BORCS8: variants seen among roughly 807,000 people sequenced by gnomAD.
BORCS8 encodes BLOC-1 related complex subunit 8, also known as BLOC-1-related complex subunit 8.
In BORCS8, 13 loss-of-function variants were observed where a neutral mutation model predicts 18.7. That is an observed-to-expected ratio of 0.70 (90% CI 0.45 to 1.11). The LOEUF is 1.11. Ranked by LOEUF, BORCS8 falls within the 50% of genes least tolerant of loss-of-function variation. The pLI, the probability that BORCS8 is intolerant of heterozygous loss-of-function variation, is 0.00. For synonymous variants in BORCS8, 68 were observed against 64.8 expected (o/e 1.05, Z -0.24); for missense variants, 165 against 165.7 (o/e 1.00, Z 0.02).
At chr19:19,185,464 T>G (rs1181018587) in intron 3 of BORCS8, among the ~76,000 whole-genome samples, 1 of 152,104 alleles carries the variant, frequency 6.6e-6, no homozygotes, top group Non-Finnish European at 1.5e-5. Flanking sequence ...GGTGGGTAGA[T>G]CACCTGAGGT....
Position 19,182,747 on chromosome 19 carries a change from C to A in BORCS8, c.216-64G>T. On this transcript the variant is annotated intron_variant, in intron 3 of 5. Coordinates refer to ENST00000462790, the MANE Select transcript of BORCS8 (RefSeq NM_001145784.2). This position sits in a 1 kb window ranked among gnomAD's most constrained non-coding sequence, Gnocchi z 4.1. ...TGCAGGTAACTGTCCCACACCCCAGCACTTGAGGTCACCACCAGGGCTCGG... is the reference window on the plus strand; with the variant it reads ...TGCAGGTAACTGTCCCACACCCCAGAACTTGAGGTCACCACCAGGGCTCGG... 1 of 1,483,654 alleles carries A rather than the reference C, an allele frequency of 6.7e-7. No homozygotes were observed. The highest frequency in any genetic ancestry group is 9.0e-7 in the Non-Finnish European group (1 of 1,111,618). The allele number at this position is 1,483,654 out of a possible 1,614,324, so 91.9% of individuals were successfully genotyped here.
In BORCS8 at chr19:19,186,872, T is replaced by G. The variant is rs549953875; in HGVS notation, c.150+21A>C. 1.5e-4 allele frequency: 224 copies of G among 1,498,020 alleles called. 2 individuals carry two copies. The African/African-American group carries it at 2.9e-3, about 19-fold the overall frequency. 92.8% of individuals were successfully genotyped at this position (1,498,020 alleles called of 1,614,324 possible). On this transcript the variant is annotated intron_variant, in intron 2 of 5. Transcript: ENST00000462790. ...CTCCTGCCCTGACAGCCCCTGCTCC[T>G]CCCAGCAGGCCCCAGCTCACCTTGT...
chr19:19,190,865 G>T (rs990191349), intron 1 of BORCS8, among the ~76,000 whole-genome samples: 2 of 152,004 alleles, frequency 1.3e-5, no homozygotes, highest in Admixed American at 6.6e-5. Context: ...CATGCCCTCC[G>T]TTATCCATGG....
intron 4 of BORCS8, among the ~76,000 whole-genome samples, chr19:19,181,389 C>A (rs2060348246): frequency 1.3e-5 from 2 of 152,118 alleles, no homozygotes; most frequent in Admixed American, 1.3e-4. Flanking sequence ...ACTCCAGAGG[C>A]CACGTCTGCA....
chr19:19,181,995 C>T, intron 4 of BORCS8: 12 of 985,436 alleles, frequency 1.2e-5, no homozygotes, highest in Non-Finnish European at 1.4e-5. Context: ...TTTTCAGACC[C>T]CTGGTCCTGG....
chr19:19,191,741 G>A (rs1396970338), intron 1 of BORCS8, among the ~76,000 whole-genome samples: 1 of 151,924 alleles, frequency 6.6e-6, no homozygotes, highest in East Asian at 1.9e-4. Flanking sequence ...CACCACGCCC[G>A]GCTAATTTTT....
intron 1 of BORCS8, among the ~76,000 whole-genome samples, chr19:19,188,418 A>G (rs192740082): frequency 2.0e-5 from 3 of 151,640 alleles, no homozygotes; most frequent in South Asian, 4.2e-4. Flanking sequence ...TCAGCCTCCC[A>G]AAGTGCTGGG....
intron 1 of BORCS8, 42 bp downstream of exon 1, chr19:19,192,039 A>G: frequency 6.5e-7 from 1 of 1,549,808 alleles, no homozygotes; most frequent in African/African-American, 1.4e-5. Flanking sequence ...GCCCCTCCAC[A>G]AGTTACCGGC....
intron 3 of BORCS8, among the ~76,000 whole-genome samples, chr19:19,185,721 T>C (rs943389300): frequency 1.3e-5 from 2 of 152,220 alleles, no homozygotes; most frequent in African/African-American, 4.8e-5. Flanking sequence ...ATATCTGTGC[T>C]TTGGGCTTCC....
At chr19:19,187,706 T>C (rs2060424463) in intron 1 of BORCS8, among the ~76,000 whole-genome samples, 2 of 149,244 alleles carry the variant, frequency 1.3e-5, no homozygotes, top group African/African-American at 4.9e-5. Context: ...GCCCAGCTAA[T>C]TTTTGTATTT....
chr19:19,185,328 T>A (rs748942835), intron 3 of BORCS8, among the ~76,000 whole-genome samples: 2 of 152,162 alleles, frequency 1.3e-5, no homozygotes, highest in Non-Finnish European at 2.9e-5. Context: ...GCAACCGGAA[T>A]AAGGCTTGGG....
intron 3 of BORCS8, among the ~76,000 whole-genome samples, chr19:19,183,415 A>C (rs573449148): frequency 1.3e-5 from 2 of 151,222 alleles, no homozygotes; most frequent in South Asian, 4.2e-4. Context: ...GTCTCAAAAA[A>C]AAAAAAAAAA....
Position 19,186,926 on chromosome 19 carries a change from C to T in BORCS8, c.117G>A (p.Val39=). The T allele has an allele frequency of 2.6e-6, 4 of 1,551,114 alleles. No individual in the cohort carries two copies. Among genetic ancestry groups the T allele is most frequent in the South Asian group, 1.2e-5 (1 of 84,044 alleles). Residue 39 remains valine (V), a synonymous_variant, in exon 2 of 6, where the codon GTG becomes GTA. Transcript: ENST00000462790. ...GGGCCAGCTCGGGGAGGGAGCGACGCACATGCTCCTGCAGCCGGTACAGGG... is the reference window on the plus strand; with the variant it reads ...GGGCCAGCTCGGGGAGGGAGCGACGTACATGCTCCTGCAGCCGGTACAGGG... ...SVALYRLQEH[V]RRSLPELAQH...
intron 2 of BORCS8, 87 bp from the exon 3 acceptor site, chr19:19,186,185 T>TG (rs1323005095): frequency 1.6e-6 from 2 of 1,245,812 alleles, no homozygotes; most frequent in African/African-American, 3.0e-5. Context: ...GGGGCTCTCC[T>TG]GAGTCCTCAT....
chr19:19,177,672 GGA>G (rs1489665914), intron 5 of BORCS8: 5 of 85,092 alleles, frequency 5.9e-5, no homozygotes, highest in African/African-American at 2.8e-4. Context: ...AAGGAAGGAA[GGA>G]AGGAAGGAAG....
At chr19:19,183,477 G>A (rs1357924100) in intron 3 of BORCS8, among the ~76,000 whole-genome samples, 1 of 152,100 alleles carries the variant, frequency 6.6e-6, no homozygotes, top group African/African-American at 2.4e-5. Flanking sequence ...TAGCCCAGTG[G>A]TATCTGGGGC....
intron 3 of BORCS8, among the ~76,000 whole-genome samples, chr19:19,184,422 C>T (rs1599756083): frequency 6.6e-6 from 1 of 150,756 alleles, no homozygotes; most frequent in East Asian, 2.0e-4. Context: ...TCTCCTGCCT[C>T]AGCCTCCCAC....
At position 19,182,654 on chromosome 19, in the gene BORCS8, A is replaced by ACGCTG; in HGVS notation, c.240_244dup (p.Val82AlafsTer22). ...CAGACCCTCCACGCTGCGGAAGTAG[A>ACGCTG]CGCTGCTGTCCACCAGGTTCTTCAC... On this transcript the variant is annotated frameshift_variant, in exon 4 of 6. Coordinates refer to ENST00000462790, the MANE Select transcript of BORCS8 (RefSeq NM_001145784.2). LOFTEE classifies it high-confidence loss of function. The surrounding 1 kb of genome is among the most constrained non-coding windows in gnomAD (Gnocchi z 4.1). 6.4e-7 allele frequency: 1 copy of ACGCTG among 1,551,108 alleles called. No individual in the cohort carries two copies. Among genetic ancestry groups the ACGCTG allele is most frequent in the Non-Finnish European group, 8.7e-7 (1 of 1,146,874 alleles).
chr19:19,192,061 CG>C lies in BORCS8; in HGVS notation c.37+19del. On this transcript the variant is annotated intron_variant, in intron 1 of 5. Transcript: ENST00000462790. ...CACAAGTTACCGGCCCCCTCTGTCC[CG>C]CCCGCAGGCCCGCACCACCTTTCTT... The C allele has an allele frequency of 1.3e-6, 2 of 1,551,410 alleles. No homozygotes were observed. Among genetic ancestry groups the C allele is most frequent in the South Asian group, 2.4e-5 (2 of 84,048 alleles).
Sources: gnomAD v4.1 joint callset for allele counts (sites outside exome capture counted in the v4.1 genomes callset) on GRCh38, gnomAD v4.1.1 for gene constraint, Gnocchi (gnomAD v3.1) non-coding constraint, MANE v1.5 for transcripts, NCBI Gene and HGNC (gene_info 2026-07-23, HGNC 2026-07-21) for gene names.